The following SPMIP4 variants were observed in gnomAD, a reference collection of about 807,000 sequenced individuals.
SPMIP4 encodes sperm-associated microtubule inner protein 4.
the SPMIP4 span, among the ~76,000 whole-genome samples, chr7:25,165,785 G>A: frequency 1.3e-5 from 2 of 152,256 alleles, no homozygotes; most frequent in African/African-American, 4.8e-5. Flanking sequence ...CATTTCCTAG[G>A]TGATGCCGAT....
the SPMIP4 span, among the ~76,000 whole-genome samples, chr7:25,158,762 T>A: frequency 1.3e-5 from 2 of 150,308 alleles, no homozygotes; most frequent in Non-Finnish European, 3.0e-5. Context: ...CAAAAAAAAT[T>A]AGCTAGGCAT....
chr7:25,175,283 G>C, the SPMIP4 span, among the ~76,000 whole-genome samples: 1 of 152,112 alleles, frequency 6.6e-6, no homozygotes, highest in East Asian at 1.9e-4. Flanking sequence ...TTTTGAGAAA[G>C]AGTCTCGCTC....
the SPMIP4 span, among the ~76,000 whole-genome samples, chr7:25,178,262 T>G: frequency 6.6e-6 from 1 of 152,240 alleles, no homozygotes; most frequent in African/African-American, 2.4e-5. Context: ...AGTGCTGTGA[T>G]GAACATACTT....
chr7:25,136,236 ATG>A, the SPMIP4 span: 3 of 1,614,170 alleles, frequency 1.9e-6, no homozygotes, highest in South Asian at 3.3e-5. This position sits in a 1 kb window ranked among gnomAD's most constrained non-coding sequence, Gnocchi z 5.7. Context: ...TACTTAAAAA[ATG>A]TTCTAAAGTG....
At chr7:25,140,583 A>T in the SPMIP4 span, among the ~76,000 whole-genome samples, 90,661 of 145,038 alleles carry the variant, frequency 0.63, 28,314 homozygotes, top group Non-Finnish European at 0.7. Flanking sequence ...ATTATAGGCA[A>T]GAGCCACCAC....
At chr7:25,151,837 G>C in the SPMIP4 span, among the ~76,000 whole-genome samples, 1 of 152,304 alleles carries the variant, frequency 6.6e-6, no homozygotes, top group African/African-American at 2.4e-5. Flanking sequence ...GCTTGCTCTT[G>C]AATTCTTTTT....
At chr7:25,141,342 G>A in the SPMIP4 span, among the ~76,000 whole-genome samples, 1 of 152,122 alleles carries the variant, frequency 6.6e-6, no homozygotes, top group African/African-American at 2.4e-5. Flanking sequence ...GGGAGGCCGA[G>A]GCGGGCGAAT....
the SPMIP4 span, among the ~76,000 whole-genome samples, chr7:25,156,011 C>T: frequency 6.6e-6 from 1 of 152,204 alleles, no homozygotes. Context: ...TCCAGGGCCA[C>T]ATATTGTAAC....
chr7:25,157,547 TG>T, the SPMIP4 span, among the ~76,000 whole-genome samples: 12 of 152,318 alleles, frequency 7.9e-5, no homozygotes, highest in East Asian at 9.6e-4. Flanking sequence ...ACTTTATCTC[TG>T]TGGTCTTCCT....
chr7:25,177,521 A>G, the SPMIP4 span, among the ~76,000 whole-genome samples: 7 of 152,266 alleles, frequency 4.6e-5, no homozygotes, highest in Non-Finnish European at 8.8e-5. Context: ...CAAAACAAGT[A>G]GACAACCACT....
the SPMIP4 span, among the ~76,000 whole-genome samples, chr7:25,137,314 T>C: frequency 6.4e-5 from 9 of 139,774 alleles, no homozygotes; most frequent in Admixed American, 5.5e-4. Flanking sequence ...TTTTTTTTTT[T>C]TTTTTATTTT....
At chr7:25,158,268 G>A in the SPMIP4 span, among the ~76,000 whole-genome samples, 2 of 149,944 alleles carry the variant, frequency 1.3e-5, no homozygotes, top group African/African-American at 2.5e-5. Context: ...CTTGGGAGGT[G>A]AAGGTGGAAG....
the SPMIP4 span, chr7:25,136,075 A>T: frequency 6.2e-7 from 1 of 1,614,116 alleles, no homozygotes; most frequent in South Asian, 1.1e-5. This position sits in a 1 kb window ranked among gnomAD's most constrained non-coding sequence, Gnocchi z 5.7. Context: ...TGATTTATGG[A>T]AACGCTTTTG....
chr7:25,141,138 G>A, the SPMIP4 span, among the ~76,000 whole-genome samples: 2 of 152,052 alleles, frequency 1.3e-5, no homozygotes, highest in Non-Finnish European at 2.9e-5. Flanking sequence ...AGGCCATTTC[G>A]CATAATCAAT....
chr7:25,178,758 G>A, the SPMIP4 span, among the ~76,000 whole-genome samples: 1 of 151,908 alleles, frequency 6.6e-6, no homozygotes, highest in South Asian at 2.1e-4. Context: ...GAAGAGCCCC[G>A]GCCCGGCGCA....
At chr7:25,168,492 G>A in the SPMIP4 span, 1 of 1,550,202 alleles carries the variant, frequency 6.5e-7, no homozygotes, top group Non-Finnish European at 8.7e-7. Context: ...ACTTCAAAGA[G>A]CCTCAGCAAC....
the SPMIP4 span, among the ~76,000 whole-genome samples, chr7:25,132,163 G>A: frequency 1.3e-5 from 2 of 152,204 alleles, no homozygotes; most frequent in Admixed American, 6.5e-5. This position sits in a 1 kb window ranked among gnomAD's most constrained non-coding sequence, Gnocchi z 5.0. Flanking sequence ...CCGCTGTGCT[G>A]TCATGCAACA....
the SPMIP4 span, among the ~76,000 whole-genome samples, chr7:25,128,680 G>A: frequency 1.3e-5 from 2 of 152,290 alleles, no homozygotes; most frequent in East Asian, 3.9e-4. The surrounding 1 kb of genome is among the most constrained non-coding windows in gnomAD (Gnocchi z 4.5). Context: ...AGCCTGCTTG[G>A]TGCCCTACTC....
the SPMIP4 span, among the ~76,000 whole-genome samples, chr7:25,167,408 G>A: frequency 1.3e-5 from 2 of 152,340 alleles, no homozygotes; most frequent in Non-Finnish European, 2.9e-5. Context: ...TTCCATGAGA[G>A]CGTGGGCTTA....
Sources: gnomAD v4.1 joint callset for allele counts (sites outside exome capture counted in the v4.1 genomes callset) on GRCh38, gnomAD v4.1.1 for gene constraint, Gnocchi (gnomAD v3.1) non-coding constraint, MANE v1.5 for transcripts, NCBI Gene and HGNC (gene_info 2026-07-23, HGNC 2026-07-21) for gene names.